Variants in GPR39 observed in about 807,000 individuals in gnomAD.
GPR39 encodes G protein-coupled receptor 39.
In GPR39, 23 loss-of-function variants were observed where a neutral mutation model predicts 18.4. The observed-to-expected ratio is 1.25, with a 90% CI of 0.90 to 1.77. The LOEUF (loss-of-function observed/expected upper bound fraction) is 1.77, where lower values mean the gene tolerates loss of function less well. Ranked by LOEUF, GPR39 falls within the 40% of genes most tolerant of loss-of-function variation. The pLI is 0.00. For missense variants in GPR39, 647 were observed against 602.4 expected (o/e 1.07, Z -0.78); for synonymous variants, 280 against 257.9 (o/e 1.09, Z -0.82).
intron 1 of GPR39, among the ~76,000 whole-genome samples, chr2:132,430,941 C>A (rs1680215161): frequency 6.6e-6 from 1 of 152,180 alleles, no homozygotes; most frequent in Admixed American, 6.5e-5. Flanking sequence ...TCCCCTTCCC[C>A]CTGGCTGAGT....
chr2:132,526,459 T>C (rs541911677), intron 1 of GPR39, among the ~76,000 whole-genome samples: 12 of 152,316 alleles, frequency 7.9e-5, no homozygotes, highest in Non-Finnish European at 1.3e-4. Flanking sequence ...CAGGCAGGGC[T>C]CAGCTCAACC....
intron 1 of GPR39, among the ~76,000 whole-genome samples, chr2:132,622,976 G>A (rs1289144270): frequency 6.6e-6 from 1 of 152,166 alleles, no homozygotes; most frequent in Non-Finnish European, 1.5e-5. Flanking sequence ...GCCGGGTGTG[G>A]TGGCGGGTGC....
intron 1 of GPR39, among the ~76,000 whole-genome samples, chr2:132,492,382 CAT>C (rs1216243492): frequency 1.0e-4 from 14 of 134,684 alleles, no homozygotes; most frequent in Admixed American, 8.4e-4. Context: ...ATATACATAC[CAT>C]ATATATACAC....
chr2:132,521,187 G>T (rs910220138), intron 1 of GPR39, among the ~76,000 whole-genome samples: 2 of 152,164 alleles, frequency 1.3e-5, no homozygotes, highest in Non-Finnish European at 2.9e-5. Context: ...TTCCTGGACA[G>T]CCACCCAGTG....
chr2:132,459,908 A>C (rs1680802037), intron 1 of GPR39, among the ~76,000 whole-genome samples: 1 of 152,198 alleles, frequency 6.6e-6, no homozygotes, highest in African/African-American at 2.4e-5. Flanking sequence ...CCTGCTAGTT[A>C]CAGCCTTTGG....
chr2:132,444,479 G>C (rs1002825852), intron 1 of GPR39, among the ~76,000 whole-genome samples: 7 of 152,088 alleles, frequency 4.6e-5, no homozygotes, highest in African/African-American at 1.7e-4. Context: ...TAGAGATGGG[G>C]TTCTCACTAT....
intron 1 of GPR39, among the ~76,000 whole-genome samples, chr2:132,451,945 A>G (rs557111279): frequency 6.6e-6 from 1 of 152,136 alleles, no homozygotes; most frequent in East Asian, 1.9e-4. Flanking sequence ...GTGGCTGAAA[A>G]CTTCTTCCCC....
chr2:132,503,655 A>G (rs1679085117), intron 1 of GPR39, among the ~76,000 whole-genome samples: 1 of 151,916 alleles, frequency 6.6e-6, no homozygotes, highest in Non-Finnish European at 1.5e-5. Flanking sequence ...GGGCCATAGA[A>G]CTCCCAAGAG....
intron 1 of GPR39, among the ~76,000 whole-genome samples, chr2:132,459,905 G>A (rs971078086): frequency 1.3e-5 from 2 of 152,190 alleles, no homozygotes; most frequent in Admixed American, 1.3e-4. Flanking sequence ...ATACCTGCTA[G>A]TTACAGCCTT....
chr2:132,490,134 A>G (rs1247146969), intron 1 of GPR39, among the ~76,000 whole-genome samples: 11 of 151,960 alleles, frequency 7.2e-5, no homozygotes, highest in Non-Finnish European at 1.5e-5. Flanking sequence ...ACTAGTTGAA[A>G]GAGCCAGAGA....
intron 1 of GPR39, among the ~76,000 whole-genome samples, chr2:132,584,246 A>T (rs536664056): frequency 2.0e-5 from 3 of 152,284 alleles, no homozygotes; most frequent in South Asian, 4.2e-4. Flanking sequence ...GAGTGCTGCA[A>T]TGAGTCCTGA....
intron 1 of GPR39, among the ~76,000 whole-genome samples, chr2:132,509,027 G>T (rs540116030): frequency 6.6e-6 from 1 of 152,218 alleles, no homozygotes; most frequent in African/African-American, 2.4e-5. Flanking sequence ...AGGCCAGGCT[G>T]TGCTGAAGGG....
At chr2:132,563,046 C>G (rs1040405767) in intron 1 of GPR39, among the ~76,000 whole-genome samples, 3 of 152,158 alleles carry the variant, frequency 2.0e-5, no homozygotes, top group African/African-American at 7.2e-5. Flanking sequence ...TCCTCTGCTC[C>G]CAGTGTTATA....
At chr2:132,638,529 T>C (rs1681805640) in intron 1 of GPR39, among the ~76,000 whole-genome samples, 1 of 152,212 alleles carries the variant, frequency 6.6e-6, no homozygotes, top group Non-Finnish European at 1.5e-5. Flanking sequence ...CTGATGCTGC[T>C]GTTCCAGGGA....
intron 1 of GPR39, among the ~76,000 whole-genome samples, chr2:132,632,465 A>C (rs1451611243): frequency 6.6e-6 from 1 of 152,124 alleles, no homozygotes; most frequent in African/African-American, 2.4e-5. Context: ...CAATTGAATT[A>C]CCTTAATTTG....
At chr2:132,564,124 C>T (rs998440480) in intron 1 of GPR39, among the ~76,000 whole-genome samples, 1 of 152,244 alleles carries the variant, frequency 6.6e-6, no homozygotes, top group African/African-American at 2.4e-5. Context: ...ATTTATCCTC[C>T]TGGCTGACTT....
chr2:132,645,381 C>T lies in GPR39; in HGVS notation c.1137C>T (p.His379=), dbSNP rs998664989. The change falls in exon 2 of 2, where the codon CAC becomes CAT. Residue 379 remains histidine (H), a synonymous_variant. Coordinates refer to ENST00000329321, the MANE Select transcript of GPR39 (RefSeq NM_001508.3). ...AGAAGCGCCTGCGCGTACATGCGCA[C>T]TCCACCACCGACAGCGCCCGCTTTG... ...NHEKRLRVHA[H]STTDSARFVQ... is the part of the protein sequence containing the mutation. The T allele has an allele frequency of 6.2e-7, 1 of 1,613,770 alleles. No homozygotes were observed. The highest frequency in any genetic ancestry group is 8.5e-7 in the Non-Finnish European group (1 of 1,180,006).
At chr2:132,440,108 C>G (rs2104764329) in intron 1 of GPR39, among the ~76,000 whole-genome samples, 1 of 152,260 alleles carries the variant, frequency 6.6e-6, no homozygotes, top group East Asian at 1.9e-4. Flanking sequence ...AAGCTCAGCC[C>G]TAGTCCTAGA....
chr2:132,556,138 A>G (rs1010188149), intron 1 of GPR39, among the ~76,000 whole-genome samples: 1 of 152,190 alleles, frequency 6.6e-6, no homozygotes, highest in Non-Finnish European at 1.5e-5. Flanking sequence ...TTCAATGCAA[A>G]TACATCCTTG....
Sources: allele counts gnomAD v4.1 joint callset (sites outside exome capture counted in the v4.1 genomes callset), GRCh38; gene constraint gnomAD v4.1.1; transcripts MANE v1.5; gene names NCBI Gene and HGNC (gene_info 2026-07-23, HGNC 2026-07-21).